Variants in OXR1 observed in about 807,000 individuals in gnomAD.
OXR1 encodes oxidation resistance 1, also known as oxidation resistance protein 1.
In OXR1, 41 loss-of-function variants were observed where a neutral mutation model predicts 104.6. The ratio of observed to expected loss-of-function variants is 0.39; its 90% confidence interval spans 0.31 to 0.51. The LOEUF is 0.51. Ranked by LOEUF, OXR1 falls within the 20% of genes least tolerant of loss-of-function variation. The pLI is 0.77. For missense variants in OXR1, 955 were observed against 1,031.9 expected, an observed-to-expected ratio of 0.93 and a Z score of 1.02; for synonymous variants, 348 against 348.4, an observed-to-expected ratio of 1.00 and a Z score of 0.01.
intron 2 of OXR1, among the ~76,000 whole-genome samples, chr8:106,464,656 G>A (rs1481337449): frequency 6.6e-6 from 1 of 152,050 alleles, no homozygotes; most frequent in Non-Finnish European, 1.5e-5. Flanking sequence ...CAGACTCTTG[G>A]CAGTCAGTCC....
intron 2 of OXR1, among the ~76,000 whole-genome samples, chr8:106,499,654 GT>G (rs1322459428): frequency 2.0e-5 from 3 of 152,124 alleles, no homozygotes; most frequent in Non-Finnish European, 4.4e-5. Flanking sequence ...TTATGAACAA[GT>G]TTCACAATTT....
intron 3 of OXR1, among the ~76,000 whole-genome samples, chr8:106,574,025 C>T (rs1191202578): frequency 1.3e-5 from 2 of 152,080 alleles, no homozygotes; most frequent in Non-Finnish European, 2.9e-5. Context: ...ATTAATTGGC[C>T]TACAGAATGG....
intron 1 of OXR1, among the ~76,000 whole-genome samples, chr8:106,320,234 C>T (rs1340630035): frequency 4.6e-5 from 7 of 152,192 alleles, no homozygotes; most frequent in African/African-American, 1.2e-4. Context: ...CTGTGACTCT[C>T]CTCACCTTCT....
At chr8:106,418,999 A>G (rs1454064255) in intron 2 of OXR1, among the ~76,000 whole-genome samples, 1 of 152,206 alleles carries the variant, frequency 6.6e-6, no homozygotes, top group Non-Finnish European at 1.5e-5. Flanking sequence ...CATAACCATT[A>G]CACATATAGC....
chr8:106,367,043 TAC>T (rs1028576836), intron 2 of OXR1, among the ~76,000 whole-genome samples: 9 of 149,532 alleles, frequency 6.0e-5, no homozygotes, highest in African/African-American at 2.2e-4. Context: ...TGCATTCATT[TAC>T]ACTGAGTTTT....
chr8:106,610,350 A>T (rs1820723049), intron 3 of OXR1, among the ~76,000 whole-genome samples: 1 of 152,186 alleles, frequency 6.6e-6, no homozygotes, highest in African/African-American at 2.4e-5. Flanking sequence ...TGCATTCAGG[A>T]TGTGCCTCCT....
At chr8:106,543,009 G>C (rs1815077961) in intron 3 of OXR1, among the ~76,000 whole-genome samples, 1 of 152,078 alleles carries the variant, frequency 6.6e-6, no homozygotes, top group African/African-American at 2.4e-5. Context: ...TTTGACTTAA[G>C]ACACAATTCT....
intron 1 of OXR1, among the ~76,000 whole-genome samples, chr8:106,286,860 G>A (rs1812524068): frequency 6.6e-6 from 1 of 152,046 alleles, no homozygotes. Context: ...AAGATTAGAG[G>A]GACAATCAGT....
At chr8:106,534,458 C>T (rs1331697148) in intron 3 of OXR1, among the ~76,000 whole-genome samples, 1 of 152,048 alleles carries the variant, frequency 6.6e-6, no homozygotes, top group Non-Finnish European at 1.5e-5. Context: ...AGTTTTTATA[C>T]TATAAAAGAA....
chr8:106,536,720 T>C (rs1288363764), intron 3 of OXR1, among the ~76,000 whole-genome samples: 1 of 152,136 alleles, frequency 6.6e-6, no homozygotes, highest in Non-Finnish European at 1.5e-5. Flanking sequence ...TCAAAGCAAA[T>C]AATCTGCAAA....
chr8:106,497,603 G>A (rs923767797), intron 2 of OXR1, among the ~76,000 whole-genome samples: 3 of 152,106 alleles, frequency 2.0e-5, no homozygotes, highest in African/African-American at 7.2e-5. Context: ...AATATTTACT[G>A]GAGTCTTAGC....
At chr8:106,309,947 C>T (rs980442089) in intron 1 of OXR1, among the ~76,000 whole-genome samples, 2 of 151,792 alleles carry the variant, frequency 1.3e-5, no homozygotes, top group Non-Finnish European at 2.9e-5. Flanking sequence ...CCATGTTCAA[C>T]ATTTTTAGCT....
At chr8:106,687,776 A>G (rs1221689897) in intron 6 of OXR1, among the ~76,000 whole-genome samples, 1 of 151,960 alleles carries the variant, frequency 6.6e-6, no homozygotes, top group Non-Finnish European at 1.5e-5. Context: ...ACCAATAAGT[A>G]TTGTATCCAT....
intron 3 of OXR1, among the ~76,000 whole-genome samples, chr8:106,527,806 T>G (rs1476273894): frequency 1.3e-5 from 2 of 152,224 alleles, no homozygotes; most frequent in Non-Finnish European, 2.9e-5. Flanking sequence ...GTTAAATGAC[T>G]TATTCATGGT....
At chr8:106,491,055 C>A (rs1811052142) in intron 2 of OXR1, among the ~76,000 whole-genome samples, 1 of 152,196 alleles carries the variant, frequency 6.6e-6, no homozygotes, top group African/African-American at 2.4e-5. Context: ...GGTTATCATT[C>A]ATTTCCCTCT....
intron 1 of OXR1, among the ~76,000 whole-genome samples, chr8:106,287,088 T>C (rs1009411565): frequency 6.6e-6 from 1 of 152,136 alleles, no homozygotes; most frequent in African/African-American, 2.4e-5. Flanking sequence ...AGATACCCAA[T>C]ACGGTAATAA....
chr8:106,537,753 T>C (rs1814653171), intron 3 of OXR1, among the ~76,000 whole-genome samples: 1 of 152,070 alleles, frequency 6.6e-6, no homozygotes, highest in South Asian at 2.1e-4. Context: ...GTGAAGATAA[T>C]GAAGGAGTTC....
intron 3 of OXR1, among the ~76,000 whole-genome samples, chr8:106,590,159 C>A (rs985760289): frequency 6.6e-6 from 1 of 152,214 alleles, no homozygotes; most frequent in Admixed American, 6.5e-5. Context: ...CAAAGAGTTA[C>A]GATTTCTTCA....
At chr8:106,285,109 C>A in intron 1 of OXR1, among the ~76,000 whole-genome samples, 1 of 152,028 alleles carries the variant, frequency 6.6e-6, no homozygotes. Context: ...TAATGCTATC[C>A]CTCCCCACTG....
Sources: gnomAD v4.1 joint callset for allele counts (sites outside exome capture counted in the v4.1 genomes callset) on GRCh38, gnomAD v4.1.1 for gene constraint, MANE v1.5 for transcripts, NCBI Gene and HGNC (gene_info 2026-07-23, HGNC 2026-07-21) for gene names.